Variants in USH2A observed in about 807,000 individuals in gnomAD.
USH2A encodes usherin.
In USH2A, 443 loss-of-function variants were observed where a neutral mutation model predicts 538.9. The observed-to-expected ratio is 0.82, with a 90% confidence interval of 0.76 to 0.89. The LOEUF (loss-of-function observed/expected upper bound fraction) is 0.89, where lower values mean the gene tolerates loss of function less well. Among genes scored for constraint, USH2A ranks in the 40% least tolerant of loss-of-function variants. The pLI is 0.00. For missense variants in USH2A, 6,633 were observed against 6,324.8 expected, an observed-to-expected ratio of 1.05 and a Z score of -1.65; for synonymous variants, 2,413 against 2,273.5, an observed-to-expected ratio of 1.06 and a Z score of -1.75.
At chr1:216,245,483 G>GAC (rs1314190379) in intron 13 of USH2A, among the ~76,000 whole-genome samples, 1 of 124,104 alleles carries the variant, frequency 8.1e-6, no homozygotes, top group African/African-American at 2.8e-5. Context: ...GAGAGAGAGA[G>GAC]AGAGAGAGAG....
At chr1:215,723,138 A>G (rs759558880) in intron 61 of USH2A, among the ~76,000 whole-genome samples, 18 of 152,176 alleles carry the variant, frequency 1.2e-4, no homozygotes, top group Non-Finnish European at 1.0e-4. Context: ...GTATTGGTCT[A>G]AAGAGACCCC....
chr1:215,778,307 G>A (rs994883081), intron 55 of USH2A, among the ~76,000 whole-genome samples: 4 of 152,016 alleles, frequency 2.6e-5, no homozygotes, highest in Non-Finnish European at 4.4e-5. Context: ...CTGCCTCGGC[G>A]TCCCAAAGTG....
chr1:216,306,527 G>A (rs2037319698), intron 9 of USH2A, among the ~76,000 whole-genome samples: 1 of 151,996 alleles, frequency 6.6e-6, no homozygotes, highest in Non-Finnish European at 1.5e-5. Context: ...TTTTCTTCTT[G>A]GTTTAGATCC....
chr1:215,650,650 T>G lies in USH2A; in HGVS notation c.14285A>C (p.Asn4762Thr). The G allele has an allele frequency of 6.2e-7, 1 of 1,614,006 alleles. No individual in the cohort carries two copies. Among genetic ancestry groups the G allele is most frequent in the Non-Finnish European group, 8.5e-7 (1 of 1,180,000 alleles). ...CAGCCTGTAGAGACTGACGATCCCG[T>G]TGGGCTTCCCAGGGGCACTGATGTT... ...VVNISAPGKPNGIVSLYRLFS... is the reference protein window; with the variant it reads ...VVNISAPGKPTGIVSLYRLFS... The change falls in exon 65 of 72, where the codon AAC becomes ACC. Residue 4762 changes from asparagine to threonine, a missense_variant. Coordinates refer to ENST00000307340, the MANE Select transcript of USH2A (RefSeq NM_206933.4).
intron 37 of USH2A, among the ~76,000 whole-genome samples, chr1:215,947,870 TC>T (rs1393159215): frequency 6.6e-6 from 1 of 152,218 alleles, no homozygotes; most frequent in African/African-American, 2.4e-5. Context: ...TAATAATTTT[TC>T]TAGCATGATA....
At chr1:216,088,923 G>A in intron 23 of USH2A, 90 bp downstream of exon 23, 1 of 1,567,014 alleles carries the variant, frequency 6.4e-7, no homozygotes, top group Non-Finnish European at 8.7e-7. Flanking sequence ...AAATTATGGT[G>A]AAATAAGAAT....
chr1:216,359,790 G>C (rs2038456567), intron 4 of USH2A, among the ~76,000 whole-genome samples: 1 of 151,874 alleles, frequency 6.6e-6, no homozygotes, highest in Admixed American at 6.6e-5. Flanking sequence ...CTAAACATAG[G>C]TAAATATAAA....
At chr1:216,050,195 T>A (rs1462852781) in intron 30 of USH2A, among the ~76,000 whole-genome samples, 1 of 151,898 alleles carries the variant, frequency 6.6e-6, no homozygotes, top group Non-Finnish European at 1.5e-5. Context: ...CATAATGGAG[T>A]AGTGGGGAAA....
chr1:216,392,112 C>T (rs1485498288), intron 3 of USH2A, among the ~76,000 whole-genome samples: 10 of 152,116 alleles, frequency 6.6e-5, no homozygotes, highest in South Asian at 2.1e-4. Context: ...TCCTGTCCCT[C>T]GCAGAGTTTA....
chr1:216,292,296 T>C lies in USH2A; in HGVS notation c.1719A>G (p.Lys573=). ...QGDQVYAFNC[K]PCQCNSHSKS... ...TGGAATGGCTGTTGCATTGACAAGG[T>C]TTACAATTGAAAGCGTAAACTTGAT... The change falls in exon 10 of 72, where the codon AAA becomes AAG. Residue 573 remains lysine, a synonymous_variant. Coordinates refer to ENST00000307340, the MANE Select transcript of USH2A (RefSeq NM_206933.4). 1 of 1,613,984 alleles carries C rather than the reference T, an allele frequency of 6.2e-7. No individual in the cohort carries two copies. The highest frequency in any genetic ancestry group is 8.5e-7 in the Non-Finnish European group (1 of 1,179,954).
At chr1:216,233,630 C>CA (rs898635752) in intron 13 of USH2A, among the ~76,000 whole-genome samples, 3 of 151,720 alleles carry the variant, frequency 2.0e-5, no homozygotes, top group African/African-American at 4.8e-5. Flanking sequence ...AGTACACACA[C>CA]AAAAAAAGCC....
intron 41 of USH2A, among the ~76,000 whole-genome samples, chr1:215,879,514 T>C (rs528983328): frequency 6.6e-6 from 1 of 152,334 alleles, no homozygotes; most frequent in Non-Finnish European, 1.5e-5. Flanking sequence ...TTCTTTGCAC[T>C]GTTAGTGTGA....
chr1:216,045,345 T>C (rs2030466067), intron 32 of USH2A, among the ~76,000 whole-genome samples: 1 of 152,176 alleles, frequency 6.6e-6, no homozygotes, highest in Admixed American at 6.6e-5. Context: ...GTCTTCTGTA[T>C]TTAGAAAGTT....
rs1344667475 is a variant in USH2A at position 215,836,465 on chromosome 1, T to A, written c.9371+1526A>T. Among the ~76,000 whole-genome samples the A allele has an allele frequency of 8.0e-3, 69 of 8,638 alleles. 2 individuals carry two copies. Among genetic ancestry groups the A allele is most frequent in the Admixed American group, 0.028 (8 of 282 alleles). The allele number at this position is 8,638 out of a possible 152,430, so 5.7% of individuals were successfully genotyped here. A position where few individuals can be genotyped will look rare whatever the true frequency, so the allele number is the denominator to read the frequency against. Reference sequence around the variant, plus strand: ...CTTCTATGTGTGTGTGTATATATATTATATATATATATATAATATATATTA... The same window carrying A: ...CTTCTATGTGTGTGTGTATATATATAATATATATATATATAATATATATTA... On this transcript the variant is annotated intron_variant, in intron 47 of 71. Coordinates refer to ENST00000307340, the MANE Select transcript of USH2A (RefSeq NM_206933.4).
At position 216,265,040 on chromosome 1, in the gene USH2A, C is replaced by T. The variant is rs763217478; in HGVS notation, c.1972-13942G>A. Reference sequence around the variant, plus strand: ...ATTACATCAAACTAAAATGCCCTTTCGCAGCAAAAGAAACTACCAACAAAG... The same window carrying T: ...ATTACATCAAACTAAAATGCCCTTTTGCAGCAAAAGAAACTACCAACAAAG... On this transcript the variant is annotated intron_variant, in intron 11 of 71. Coordinates refer to ENST00000307340, the MANE Select transcript of USH2A (RefSeq NM_206933.4). Among the ~76,000 whole-genome samples the T allele has an allele frequency of 2.6e-5, 4 of 152,124 alleles. No homozygotes were observed. The East Asian group carries it at 5.8e-4, about 22-fold the overall frequency.
intron 44 of USH2A, among the ~76,000 whole-genome samples, chr1:215,853,700 A>C (rs1005321789): frequency 6.6e-6 from 1 of 152,106 alleles, no homozygotes; most frequent in African/African-American, 2.4e-5. Context: ...ACCCTAAATA[A>C]TCTCTCTCAA....
In USH2A at chr1:216,251,033, T is replaced by A; in HGVS notation, c.2037A>T (p.Gly679=). Residue 679 remains glycine (G), a synonymous_variant, in exon 12 of 72, where the codon GGA becomes GGT. Transcript: ENST00000307340. ...GATCCAACTCTTGTAGATTGTAGAA[T>A]CCATTCTGGCACTGATTGCACTGCC... The part of the protein sequence containing the change: ...SGRQCNQCQN[G]FYNLQELDPD... 6.2e-7 allele frequency: 1 copy of A among 1,614,096 alleles called. No individual in the cohort carries two copies. Among genetic ancestry groups the A allele is most frequent in the Non-Finnish European group, 8.5e-7 (1 of 1,179,990 alleles).
chr1:216,365,084 A>T lies in USH2A; in HGVS notation c.653T>A (p.Val218Glu), dbSNP rs397518026. The T allele has an allele frequency of 1.5e-5, 24 of 1,611,562 alleles. No individual in the cohort carries two copies. Among genetic ancestry groups the T allele is most frequent in the Non-Finnish European group, 1.9e-5 (22 of 1,178,842 alleles). Residue 218 changes from valine to glutamate, a missense_variant and splice_region_variant, in exon 4 of 72, where the codon GTG (valine) becomes GAG (glutamate). By Grantham distance (121) the Val-to-Glu change is moderately radical. Transcript: ENST00000307340. ...VKKWIHLSVQ[V>E]HQTKISFFIN... ...AAAGAAGCTGATTTTTGTCTGATGC[A>T]CCTGTAAGAAATTACCACCATTATT... is the stretch of plus-strand genomic sequence containing the variant.
intron 38 of USH2A, among the ~76,000 whole-genome samples, chr1:215,919,078 A>G (rs1666032362): frequency 6.6e-6 from 1 of 152,126 alleles, no homozygotes; most frequent in Non-Finnish European, 1.5e-5. Flanking sequence ...AGCTTTGTCC[A>G]GAAGAAGAAA....
Sources: allele counts gnomAD v4.1 joint callset (sites outside exome capture counted in the v4.1 genomes callset), GRCh38; gene constraint gnomAD v4.1.1; transcripts MANE v1.5; gene names NCBI Gene and HGNC (gene_info 2026-07-23, HGNC 2026-07-21).